Variants in CLCN6 observed in about 807,000 individuals in gnomAD.
CLCN6 encodes the protein Cl-/H+ antiporter 6.
A neutral mutation model predicts 109.8 loss-of-function variants in CLCN6; 70 were observed. That is an observed-to-expected ratio of 0.64 (90% CI 0.53 to 0.78). CLCN6 has a LOEUF of 0.78. Ranked by LOEUF, CLCN6 falls within the 30% of genes least tolerant of loss-of-function variation. The pLI is 0.00. For synonymous variants in CLCN6, 444 were observed against 447.8 expected (o/e 0.99, Z 0.11); for missense variants, 984 against 1,142.3 (o/e 0.86, Z 2.00).
intron 2 of CLCN6, among the ~76,000 whole-genome samples, chr1:11,812,158 G>A (rs1441047669): frequency 1.3e-5 from 2 of 152,128 alleles, no homozygotes; most frequent in Admixed American, 1.3e-4. Flanking sequence ...CTCAGCAGCT[G>A]GCAGTGAATT....
chr1:11,831,401 C>T (rs1235402597), intron 13 of CLCN6, among the ~76,000 whole-genome samples: 1 of 152,004 alleles, frequency 6.6e-6, no homozygotes, highest in Middle Eastern at 3.2e-3. Context: ...GTGATCCGCC[C>T]ACCTCGGCCT....
rs1440705249 is a variant in CLCN6 at position 11,842,173 on chromosome 1, G to A, written c.*1950G>A. 1 of 152,226 alleles carries A rather than the reference G, an allele frequency of 6.6e-6. No individual in the cohort carries two copies. The highest frequency in any genetic ancestry group is 1.9e-4 in the East Asian group (1 of 5,194). 9.4% of individuals were successfully genotyped at this position (152,226 alleles called of 1,614,324 possible). A position where few individuals can be genotyped will look rare whatever the true frequency, so the allele number is the denominator to read the frequency against. On this transcript the variant is annotated 3_prime_UTR_variant, in exon 23 of 23. Coordinates refer to ENST00000346436, the MANE Select transcript of CLCN6 (RefSeq NM_001286.5). ...CTGGCAGAGCTAACGCCCTGCAGGAGGACCCCGGCCTCTCGAGGGCTGGAT... is the reference window on the plus strand; with the variant it reads ...CTGGCAGAGCTAACGCCCTGCAGGAAGACCCCGGCCTCTCGAGGGCTGGAT...
Position 11,842,219 on chromosome 1 carries a change from G to T in CLCN6, c.*1996G>T, listed in dbSNP as rs186636256. ...TGGATCAGCAGCCGCCTGCCCTGAG[G>T]CTGCCCCGGTGAATGTTATTGGAAT... On this transcript the variant is annotated 3_prime_UTR_variant, in exon 23 of 23. Coordinates refer to ENST00000346436, the MANE Select transcript of CLCN6 (RefSeq NM_001286.5). The T allele has an allele frequency of 6.6e-6, 1 of 152,304 alleles. No homozygotes were observed. The highest frequency in any genetic ancestry group is 1.5e-5 in the Non-Finnish European group (1 of 68,040). The allele number at this position is 152,304 out of a possible 1,614,324, so 9.4% of individuals were successfully genotyped here.
At chr1:11,810,888 A>G (rs1342549779) in intron 2 of CLCN6, among the ~76,000 whole-genome samples, 1 of 152,158 alleles carries the variant, frequency 6.6e-6, no homozygotes, top group East Asian at 1.9e-4. Context: ...CAATAAAGTG[A>G]GACTTTGTTC....
intron 18 of CLCN6, 85 bp downstream of exon 18, chr1:11,836,238 T>A: frequency 3.9e-6 from 5 of 1,273,570 alleles, no homozygotes; most frequent in Non-Finnish European, 4.3e-6. Flanking sequence ...CACCCCTGGC[T>A]GGGGTGGACT....
rs369856171 is a variant in CLCN6 at position 11,828,642 on chromosome 1, T to TC, written c.1121+25dup. On this transcript the variant is annotated intron_variant, in intron 12 of 22. Transcript: ENST00000346436. ...CTCGTCAGGTATCTGCACAGTCGCC[T>TC]CCCCCCCGAGCCTGCTGCGGCTCCC... 163 of 1,575,960 alleles carry TC rather than the reference T, an allele frequency of 1.0e-4. No homozygotes were observed. The African/African-American group carries it at 1.1e-3, about 11-fold the overall frequency.
chr1:11,839,129 A>G (rs962439365), intron 22 of CLCN6: 6 of 583,608 alleles, frequency 1.0e-5, no homozygotes, highest in African/African-American at 3.7e-5. Context: ...TATTACACAA[A>G]TATGATTTCA....
At chr1:11,807,273 G>C (rs1306106068) in intron 2 of CLCN6, 83 bp downstream of exon 2, 1 of 1,237,130 alleles carries the variant, frequency 8.1e-7, no homozygotes, top group Non-Finnish European at 1.2e-6. Flanking sequence ...ATTCCAACCA[G>C]AGATGCTCTT....
chr1:11,834,057 CGCATGTGCAT>C lies in CLCN6; in HGVS notation c.1526+29_1526+38del, dbSNP rs774044806. ...TACTCTGTGTGTGTGCGTGTGTGTG[CGCATGTGCAT>C]GTGTGTGCACGTGTGCGTGTGTATG... On this transcript the variant is annotated intron_variant, in intron 15 of 22. Coordinates refer to ENST00000346436, the MANE Select transcript of CLCN6 (RefSeq NM_001286.5). This position sits in a 1 kb window ranked among gnomAD's most constrained non-coding sequence, Gnocchi z 4.5. 4.3e-6 allele frequency: 7 copies of C among 1,610,304 alleles called. No individual in the cohort carries two copies. The highest frequency in any genetic ancestry group is 5.1e-6 in the Non-Finnish European group (6 of 1,178,114).
chr1:11,808,691 T>C (rs920770153), intron 2 of CLCN6, among the ~76,000 whole-genome samples: 2 of 151,536 alleles, frequency 1.3e-5, no homozygotes, highest in African/African-American at 2.4e-5. Flanking sequence ...TCTTTTTTTT[T>C]TTTTTGTAAG....
chr1:11,825,745 C>T (rs866691926), intron 8 of CLCN6, among the ~76,000 whole-genome samples: 7 of 152,200 alleles, frequency 4.6e-5, no homozygotes, highest in Non-Finnish European at 7.3e-5. Flanking sequence ...GGCTCAGCCT[C>T]CTGAGTAGCT....
chr1:11,823,128 C>T (rs1261899624), intron 6 of CLCN6, among the ~76,000 whole-genome samples: 2 of 152,184 alleles, frequency 1.3e-5, no homozygotes, highest in African/African-American at 4.8e-5. Flanking sequence ...GCAATATACC[C>T]TCGTAACATA....
intron 2 of CLCN6, among the ~76,000 whole-genome samples, chr1:11,809,163 T>C (rs1295429674): frequency 6.6e-6 from 1 of 152,126 alleles, no homozygotes; most frequent in African/African-American, 2.4e-5. Context: ...CTGGCCATTT[T>C]CTTCTGTTTC....
At chr1:11,816,779 AAC>A in intron 4 of CLCN6, 99 bp downstream of exon 4, 1 of 745,930 alleles carries the variant, frequency 1.3e-6, no homozygotes, top group Non-Finnish European at 2.2e-6. Context: ...TTGTCATTAT[AAC>A]ATTTATAACA....
rs1338866919 is a variant in CLCN6, at chr1:11,837,379, C to T, written c.2175C>T (p.Ser725=). 1 of 1,613,848 alleles carries T rather than the reference C, an allele frequency of 6.2e-7. No homozygotes were observed. Among genetic ancestry groups the T allele is most frequent in the Non-Finnish European group, 8.5e-7 (1 of 1,179,852 alleles). ...TPYPNLYPDQ[S]PSEDWTMEER... ...ACCCCAACCTATACCCTGACCAGTCCCCAAGTGAAGACTGGACCATGGAGG... is the reference window on the plus strand; with the variant it reads ...ACCCCAACCTATACCCTGACCAGTCTCCAAGTGAAGACTGGACCATGGAGG... The change falls in exon 20 of 23, where the codon TCC becomes TCT. Residue 725 remains serine, a synonymous_variant. Coordinates refer to ENST00000346436, the MANE Select transcript of CLCN6 (RefSeq NM_001286.5).
In CLCN6 at chr1:11,807,157, G is replaced by A. The variant is rs143022405; in HGVS notation, c.114G>A (p.Glu38=). The A allele has an allele frequency of 1.0e-4, 169 of 1,614,208 alleles. 1 individual carries two copies. Among genetic ancestry groups the A allele is most frequent in the Middle Eastern group, 4.9e-4 (3 of 6,062 alleles). The stretch of plus-strand genomic sequence containing the variant: ...CCATCCTTGGAGAAACACAGGAGGA[G>A]GAGGATGAGATTCTTCCAAGGAAAG... ...ELTILGETQE[E]EDEILPRKDY... is the part of the protein sequence containing the mutation. Residue 38 remains glutamate (E), a synonymous_variant, in exon 2 of 23, where the codon GAG becomes GAA. Transcript: ENST00000346436.
At chr1:11,835,654 C>CCGAGG (rs1304544742) in intron 17 of CLCN6, among the ~76,000 whole-genome samples, 2 of 152,120 alleles carry the variant, frequency 1.3e-5, no homozygotes, top group Non-Finnish European at 2.9e-5. Flanking sequence ...CTGCAGGGCA[C>CCGAGG]CGAGGAGGGC....
rs1427703381 is a variant in CLCN6, at chr1:11,840,273, C to G, written c.*50C>G. 6.7e-7 allele frequency: 1 copy of G among 1,496,740 alleles called. No individual in the cohort carries two copies. The allele number at this position is 1,496,740 out of a possible 1,614,324, so 92.7% of individuals were successfully genotyped here. ...GCTGCCTGGGGAGGCAAATCATGCT[C>G]ACTCCGGCGGGCACAGCTGGCTGGG... On this transcript the variant is annotated 3_prime_UTR_variant, in exon 23 of 23. Transcript: ENST00000346436.
In CLCN6 at chr1:11,826,205, G is replaced by T; in HGVS notation, c.698G>T (p.Arg233Leu). 1 of 1,613,016 alleles carries T rather than the reference G, an allele frequency of 6.2e-7. No individual in the cohort carries two copies. Residue 233 changes from arginine to leucine, a missense_variant, in exon 9 of 23, where the codon CGA becomes CTA. Arg to Leu is a moderately radical substitution (Grantham distance 102). Transcript: ENST00000346436. ...ATCCAGTTTAACTTCCCCTATTTCC[G>T]AAGCGACAGGTATGGAAAGGTTAGA... ...RKIQFNFPYF[R>L]SDRDKRDFVS...
Sources: gnomAD v4.1 joint callset for allele counts (sites outside exome capture counted in the v4.1 genomes callset) on GRCh38, gnomAD v4.1.1 for gene constraint, Gnocchi (gnomAD v3.1) non-coding constraint, MANE v1.5 for transcripts, NCBI Gene and HGNC (gene_info 2026-07-23, HGNC 2026-07-21) for gene names.